The following AGBL1 variants were observed in gnomAD, a reference collection of about 807,000 sequenced individuals.
The protein encoded by AGBL1 is cytosolic carboxypeptidase 4.
A neutral mutation model predicts 118.9 loss-of-function variants in AGBL1; 130 were observed. The ratio of observed to expected loss-of-function variants is 1.09; its 90% CI spans 0.95 to 1.26. AGBL1 has a LOEUF of 1.26. AGBL1 is among the 50% of genes most tolerant of loss of function. AGBL1 has a pLI of 0.00. For missense variants in AGBL1, 1,584 were observed against 1,298.1 expected (o/e 1.22, Z -3.38); for synonymous variants, 555 against 478.9 (o/e 1.16, Z -2.08).
chr15:86,150,855 C>T (rs1320401807), intron 3 of AGBL1, among the ~76,000 whole-genome samples: 4 of 152,036 alleles, frequency 2.6e-5, no homozygotes, highest in Non-Finnish European at 5.9e-5. Flanking sequence ...AACATTGATG[C>T]AAAAATCCTC....
chr15:86,555,606 A>C (rs1190462110), intron 21 of AGBL1, among the ~76,000 whole-genome samples: 3 of 152,332 alleles, frequency 2.0e-5, no homozygotes, highest in African/African-American at 7.2e-5. Flanking sequence ...TCTTAGACTG[A>C]ATTAATCCTA....
At chr15:86,948,972 C>T (rs1486425486) in intron 23 of AGBL1, among the ~76,000 whole-genome samples, 2 of 152,098 alleles carry the variant, frequency 1.3e-5, no homozygotes, top group Non-Finnish European at 2.9e-5. Flanking sequence ...TCTCGTGCTA[C>T]AACAGTGGAA....
At chr15:86,677,041 A>C (rs1319775904) in intron 22 of AGBL1, among the ~76,000 whole-genome samples, 1 of 152,074 alleles carries the variant, frequency 6.6e-6, no homozygotes, top group Non-Finnish European at 1.5e-5. Flanking sequence ...AAAAAAATGC[A>C]AGGATGTGGT....
chr15:86,539,065 C>A (rs1261519142), intron 19 of AGBL1, among the ~76,000 whole-genome samples: 1 of 143,564 alleles, frequency 7.0e-6, no homozygotes, highest in Non-Finnish European at 1.5e-5. Context: ...TGGAAAAGGT[C>A]CTAGGAAGAT....
chr15:86,866,441 G>T (rs1028512727), intron 22 of AGBL1, among the ~76,000 whole-genome samples: 16 of 152,198 alleles, frequency 1.1e-4, no homozygotes, highest in African/African-American at 3.1e-4. Flanking sequence ...TTGGGGGAAT[G>T]ATGGTTAATA....
intron 22 of AGBL1, among the ~76,000 whole-genome samples, chr15:86,750,306 T>C (rs1231737542): frequency 6.6e-6 from 1 of 152,076 alleles, no homozygotes. Context: ...TTTTACATAT[T>C]TATGGGGTAC....
chr15:86,926,064 A>C (rs1381130033), intron 23 of AGBL1, among the ~76,000 whole-genome samples: 1 of 152,120 alleles, frequency 6.6e-6, no homozygotes, highest in African/African-American at 2.4e-5. Context: ...CTATAGGAGA[A>C]GGAAAACGTC....
intron 21 of AGBL1, among the ~76,000 whole-genome samples, chr15:86,673,334 A>G (rs1273024788): frequency 6.6e-6 from 1 of 152,180 alleles, no homozygotes; most frequent in Non-Finnish European, 1.5e-5. Flanking sequence ...GCCCAAGACC[A>G]CACATTTAGA....
intron 22 of AGBL1, among the ~76,000 whole-genome samples, chr15:86,679,422 A>G (rs1441323918): frequency 3.3e-5 from 5 of 152,054 alleles, no homozygotes; most frequent in African/African-American, 1.2e-4. Context: ...TGGGTTATTT[A>G]TATATTTATT....
At chr15:86,240,271 G>A (rs758811717) in intron 6 of AGBL1, among the ~76,000 whole-genome samples, 1 of 152,192 alleles carries the variant, frequency 6.6e-6, no homozygotes, top group Non-Finnish European at 1.5e-5. Context: ...AAATATTCAC[G>A]TTGTAATGTG....
intron 17 of AGBL1, among the ~76,000 whole-genome samples, chr15:86,312,557 C>G (rs116381354): frequency 3.3e-5 from 5 of 152,212 alleles, no homozygotes; most frequent in South Asian, 2.1e-4. Context: ...AACAGATGAT[C>G]GCATTAAGAG....
At chr15:86,219,265 A>G (rs2078240049) in intron 5 of AGBL1, among the ~76,000 whole-genome samples, 1 of 152,224 alleles carries the variant, frequency 6.6e-6, no homozygotes, top group South Asian at 2.1e-4. Flanking sequence ...TGATCCAAGA[A>G]TGACATTCAA....
chr15:86,781,533 G>C (rs28593062), intron 22 of AGBL1, among the ~76,000 whole-genome samples: 29,535 of 152,048 alleles, frequency 0.19, 3,752 homozygotes, highest in African/African-American at 0.34. Context: ...GACTCTTAGA[G>C]ATCGTTTTAA....
downstream of AGBL1, among the ~76,000 whole-genome samples, chr15:86,917,783 AG>A (rs1282790233): frequency 3.0e-4 from 23 of 77,150 alleles, no homozygotes; most frequent in African/African-American, 1.1e-3. The surrounding 1 kb of genome is among the most constrained non-coding windows in gnomAD (Gnocchi z 4.8). Flanking sequence ...AGAGAAGGAG[AG>A]AGAGAGAAGA....
chr15:86,933,721 T>G (rs1334481799), intron 23 of AGBL1, among the ~76,000 whole-genome samples: 3 of 152,212 alleles, frequency 2.0e-5, no homozygotes, highest in Admixed American at 6.5e-5. Flanking sequence ...CCACTTTCCG[T>G]GTATCCGGTT....
chr15:86,806,272 C>T (rs1169984181), intron 22 of AGBL1, among the ~76,000 whole-genome samples: 1 of 152,132 alleles, frequency 6.6e-6, no homozygotes, highest in Non-Finnish European at 1.5e-5. Flanking sequence ...ATCTCCACCA[C>T]TTCAGACTGA....
At chr15:86,291,972 CCTTTA>C (rs2079553086) in intron 16 of AGBL1, among the ~76,000 whole-genome samples, 1 of 152,108 alleles carries the variant, frequency 6.6e-6, no homozygotes, top group African/African-American at 2.4e-5. Flanking sequence ...TCTTATAATT[CCTTTA>C]CTTAGTGTTG....
chr15:86,375,881 G>A (rs927907580), intron 17 of AGBL1, among the ~76,000 whole-genome samples: 2 of 152,194 alleles, frequency 1.3e-5, no homozygotes, highest in Admixed American at 1.3e-4. Flanking sequence ...TTGGGCCACT[G>A]CCAATGGCTA....
chr15:86,602,242 G>A (rs76346256), intron 21 of AGBL1, among the ~76,000 whole-genome samples: 5,044 of 152,156 alleles, frequency 0.033, 242 homozygotes, highest in African/African-American at 0.11. Context: ...GTTGTATGGT[G>A]GGAGTGGGGT....
Sources: allele counts gnomAD v4.1 joint callset (sites outside exome capture counted in the v4.1 genomes callset), GRCh38; gene constraint gnomAD v4.1.1; non-coding constraint Gnocchi (gnomAD v3.1); transcripts MANE v1.5; gene names NCBI Gene and HGNC (gene_info 2026-07-23, HGNC 2026-07-21).